Variants in UBOX5 observed in about 807,000 individuals in gnomAD.
UBOX5 encodes the protein RING finger protein 37.
Under a neutral mutation model 39.0 loss-of-function variants are expected in UBOX5, and 28 were observed. That is an observed-to-expected ratio of 0.72 (90% CI 0.53 to 0.98). UBOX5 has a LOEUF of 0.98. Ranked by LOEUF, UBOX5 falls within the 50% of genes least tolerant of loss-of-function variation. The pLI, the probability that UBOX5 is intolerant of heterozygous loss-of-function variation, is 0.00. For synonymous variants in UBOX5, 283 were observed against 275.5 expected, an observed-to-expected ratio of 1.03 and a Z score of -0.27; for missense variants, 585 against 674.4, an observed-to-expected ratio of 0.87 and a Z score of 1.47.
chr20:3,157,754 GAGAAAATTCCCAAA>G (rs2066701601), intron 1 of UBOX5, among the ~76,000 whole-genome samples: 1 of 152,210 alleles, frequency 6.6e-6, no homozygotes, highest in African/African-American at 2.4e-5. Context: ...GTCGTCATAA[GAGAAAATTCCCAAA>G]TAAATGGTCC....
intron 3 of UBOX5, among the ~76,000 whole-genome samples, chr20:3,116,047 G>C (rs1411282739): frequency 1.3e-5 from 2 of 152,238 alleles, no homozygotes; most frequent in South Asian, 4.1e-4. Context: ...GAGCCACAGC[G>C]CCTGGCCTCC....
chr20:3,122,063 T>C lies in UBOX5; in HGVS notation c.576A>G (p.Glu192=). 2 of 1,614,192 alleles carry C rather than the reference T, an allele frequency of 1.2e-6. No homozygotes were observed. ...GGGIPCIKRL[E]VWGQPAKTCS... The stretch of plus-strand genomic sequence containing the variant: ...AGGTCTTGGCCGGCTGACCCCACAC[T>C]TCCAACCGCTTGATACAAGGGATAC... Residue 192 remains glutamate (E), a synonymous_variant, in exon 3 of 5, where the codon GAA becomes GAG. Coordinates refer to ENST00000217173, the MANE Select transcript of UBOX5 (RefSeq NM_014948.4).
intron 2 of UBOX5, 32 bp downstream of exon 2, chr20:3,123,280 T>C: frequency 1.3e-6 from 2 of 1,594,256 alleles, no homozygotes; most frequent in Non-Finnish European, 1.7e-6. Context: ...AAACATAGCA[T>C]ATATTTATGT....
intron 1 of UBOX5, among the ~76,000 whole-genome samples, chr20:3,142,951 T>A (rs928232346): frequency 2.0e-5 from 3 of 149,964 alleles, no homozygotes; most frequent in African/African-American, 7.4e-5. Flanking sequence ...AAAAAAGGAA[T>A]CCAAAGTGGA....
chr20:3,113,740 G>A (rs2066272537), intron 4 of UBOX5, among the ~76,000 whole-genome samples: 2 of 152,208 alleles, frequency 1.3e-5, no homozygotes, highest in Admixed American at 6.6e-5. Flanking sequence ...CCACAAGACA[G>A]AAGATGCTGC....
chr20:3,149,173 A>T lies in UBOX5; in HGVS notation c.-42+10593T>A. ...GGTGCTTGATTAGAGCTGGACGGGG[A>T]GGTGTTCCACAAAAACTGCCTGGAA... On this transcript the variant is annotated intron_variant, in intron 1 of 4. Coordinates refer to ENST00000217173, the MANE Select transcript of UBOX5 (RefSeq NM_014948.4). This position sits in a 1 kb window ranked among gnomAD's most constrained non-coding sequence, Gnocchi z 4.1. 1 of 1,326,658 alleles carries T rather than the reference A, an allele frequency of 7.5e-7. No individual in the cohort carries two copies. The highest frequency in any genetic ancestry group is 1.5e-5 in the South Asian group (1 of 65,466). 82.2% of individuals were successfully genotyped at this position (1,326,658 alleles called of 1,614,324 possible).
chr20:3,158,710 G>A (rs904990754), intron 1 of UBOX5, among the ~76,000 whole-genome samples: 3 of 152,114 alleles, frequency 2.0e-5, no homozygotes, highest in Non-Finnish European at 4.4e-5. Context: ...TCCTGACCTC[G>A]TGATCCGCCC....
chr20:3,147,463 G>A, intron 1 of UBOX5: 2 of 1,614,118 alleles, frequency 1.2e-6, no homozygotes, highest in East Asian at 2.2e-5. Flanking sequence ...CTTGCTGAAG[G>A]TGAGTACTAA....
chr20:3,133,735 C>T (rs1335603766), intron 1 of UBOX5, among the ~76,000 whole-genome samples: 1 of 138,928 alleles, frequency 7.2e-6, no homozygotes, highest in Non-Finnish European at 1.6e-5. Context: ...GGGGTAAGCT[C>T]TTTTTTTTTC....
chr20:3,128,443 A>T (rs949630579), intron 1 of UBOX5, among the ~76,000 whole-genome samples: 8 of 152,252 alleles, frequency 5.3e-5, no homozygotes, highest in African/African-American at 1.9e-4. Flanking sequence ...CACTAGAGAC[A>T]GACATATGCA....
chr20:3,158,725 T>C (rs1481397568), intron 1 of UBOX5, among the ~76,000 whole-genome samples: 3 of 151,832 alleles, frequency 2.0e-5, no homozygotes, highest in Non-Finnish European at 2.9e-5. Flanking sequence ...CCGCCCGCCT[T>C]GACCTCCCAA....
chr20:3,158,641 T>A (rs987611851), intron 1 of UBOX5, among the ~76,000 whole-genome samples: 1 of 151,988 alleles, frequency 6.6e-6, no homozygotes, highest in Non-Finnish European at 1.5e-5. Flanking sequence ...CGCCCAGCTA[T>A]TTTTTTGTAT....
At chr20:3,123,046 C>T (rs1186894270) in intron 2 of UBOX5, among the ~76,000 whole-genome samples, 5 of 152,066 alleles carry the variant, frequency 3.3e-5, no homozygotes, top group East Asian at 3.9e-4. Context: ...ATGACTTTGA[C>T]GAGACTGGAG....
chr20:3,109,789 G>A lies in UBOX5; in HGVS notation c.*317C>T, dbSNP rs2066238583. 1 of 404,466 alleles carries A rather than the reference G, an allele frequency of 2.5e-6. No individual in the cohort carries two copies. Among genetic ancestry groups the A allele is most frequent in the East Asian group, 5.5e-5 (1 of 18,040 alleles). The allele number at this position is 404,466 out of a possible 1,614,324, so 25.1% of individuals were successfully genotyped here. On this transcript the variant is annotated 3_prime_UTR_variant, in exon 5 of 5. Coordinates refer to ENST00000217173, the MANE Select transcript of UBOX5 (RefSeq NM_014948.4). ...AGTGCCCTGCTGGACAGGGGGGTAT[G>A]CGGACTGCACGGGGGGGCCCTCAGC...
At chr20:3,116,876 G>A (rs113792994) in intron 3 of UBOX5, among the ~76,000 whole-genome samples, 10,947 of 152,008 alleles carry the variant, frequency 0.072, 499 homozygotes, top group Middle Eastern at 0.12. Flanking sequence ...CAGGCAGATC[G>A]CCTGAAGTCA....
rs1325450681 is a variant in UBOX5, at chr20:3,149,295, T to A, written c.-42+10471A>T. ...GGGTAGATGAAGAATGAGTGGCTTCTACCTATAAAAGCATCCAAATTTACA... is the reference window on the plus strand; with the variant it reads ...GGGTAGATGAAGAATGAGTGGCTTCAACCTATAAAAGCATCCAAATTTACA... On this transcript the variant is annotated intron_variant, in intron 1 of 4. Transcript: ENST00000217173. This position sits in a 1 kb window ranked among gnomAD's most constrained non-coding sequence, Gnocchi z 4.1. 1 of 544,334 alleles carries A rather than the reference T, an allele frequency of 1.8e-6. No homozygotes were observed. The highest frequency in any genetic ancestry group is 3.6e-5 in the Admixed American group (1 of 28,008). The allele number at this position is 544,334 out of a possible 1,614,324, so 33.7% of individuals were successfully genotyped here. A position where few individuals can be genotyped will look rare whatever the true frequency, so the allele number is the denominator to read the frequency against.
In UBOX5 at chr20:3,159,280, C is replaced by G. The variant is rs1174511739; in HGVS notation, c.-42+486G>C. The stretch of plus-strand genomic sequence containing the variant: ...ACTCCGCATCCCAAATGCTAAGCAA[C>G]ATACTGTAGGGCCTTGCTACTCAGT... On this transcript the variant is annotated intron_variant, in intron 1 of 4. Transcript: ENST00000217173. Among the ~76,000 whole-genome samples, 3 of 152,226 alleles carry G rather than the reference C, an allele frequency of 2.0e-5. No individual in the cohort carries two copies. The East Asian group carries it at 5.8e-4, about 29-fold the overall frequency.
intron 1 of UBOX5, among the ~76,000 whole-genome samples, chr20:3,134,917 G>A (rs546899813): frequency 2.6e-5 from 4 of 151,918 alleles, no homozygotes; most frequent in African/African-American, 4.8e-5. Context: ...AGCATTCTGC[G>A]GATGACACAG....
chr20:3,143,656 G>A (rs773026298), intron 1 of UBOX5, among the ~76,000 whole-genome samples: 5 of 152,076 alleles, frequency 3.3e-5, no homozygotes, highest in Admixed American at 1.3e-4. Flanking sequence ...TTAGCTGGGC[G>A]TGGTGGCAGG....
Sources: allele counts gnomAD v4.1 joint callset (sites outside exome capture counted in the v4.1 genomes callset), GRCh38; gene constraint gnomAD v4.1.1; non-coding constraint Gnocchi (gnomAD v3.1); transcripts MANE v1.5; gene names NCBI Gene and HGNC (gene_info 2026-07-23, HGNC 2026-07-21).